The following ZRANB3 variants were observed in gnomAD, a reference collection of about 807,000 sequenced individuals.
ZRANB3 encodes DNA annealing helicase and endonuclease ZRANB3.
A neutral mutation model predicts 133.8 loss-of-function variants in ZRANB3; 125 were observed. That is an observed-to-expected ratio of 0.93 (90% confidence interval 0.81 to 1.08). The LOEUF (loss-of-function observed/expected upper bound fraction) is 1.08, where lower values mean the gene tolerates loss of function less well. Among genes scored for constraint, ZRANB3 ranks in the 50% least tolerant of loss-of-function variants. The pLI is 0.00. For missense variants in ZRANB3, 1,229 were observed against 1,275.5 expected, an observed-to-expected ratio of 0.96 and a Z score of 0.56; for synonymous variants, 387 against 432.7, an observed-to-expected ratio of 0.89 and a Z score of 1.31.
In ZRANB3 at chr2:135,513,063, T is replaced by C. The variant is rs1323999388; in HGVS notation, c.-7-8567A>G. Reference sequence around the variant, plus strand: ...AGCACATTACAAGAAAAAACATACATAATACAATCTCTCATATTCATAGGT... The same window carrying C: ...AGCACATTACAAGAAAAAACATACACAATACAATCTCTCATATTCATAGGT... On this transcript the variant is annotated intron_variant, in intron 1 of 20. Coordinates refer to ENST00000264159, the MANE Select transcript of ZRANB3 (RefSeq NM_032143.4). Among the ~76,000 whole-genome samples, 4 of 152,252 alleles carry C rather than the reference T, an allele frequency of 2.6e-5. No individual in the cohort carries two copies. The East Asian group carries it at 7.7e-4, about 29-fold the overall frequency.
chr2:135,338,796 G>A (rs1558927310), intron 6 of ZRANB3, among the ~76,000 whole-genome samples: 1 of 152,170 alleles, frequency 6.6e-6, no homozygotes, highest in African/African-American at 2.4e-5. Context: ...ATGTGCATAT[G>A]TGTGTATGTG....
chr2:135,385,066 A>G (rs1574013833), intron 3 of ZRANB3, among the ~76,000 whole-genome samples: 2 of 152,362 alleles, frequency 1.3e-5, no homozygotes, highest in East Asian at 3.9e-4. Context: ...CCCTGTTTGC[A>G]GATGACATGA....
intron 8 of ZRANB3, among the ~76,000 whole-genome samples, chr2:135,306,774 G>A (rs1682727078): frequency 6.6e-6 from 1 of 152,128 alleles, no homozygotes; most frequent in African/African-American, 2.4e-5. Flanking sequence ...ATTTCTGGTA[G>A]AGACAGGGTT....
chr2:135,228,501 A>AGGCG (rs1694853591), intron 13 of ZRANB3, among the ~76,000 whole-genome samples: 2 of 152,180 alleles, frequency 1.3e-5, no homozygotes, highest in African/African-American at 4.8e-5. Flanking sequence ...AGTTTTAGGC[A>AGGCG]AAGAAATAAA....
At chr2:135,528,494 T>G (rs1393260321) in intron 1 of ZRANB3, among the ~76,000 whole-genome samples, 1 of 152,084 alleles carries the variant, frequency 6.6e-6, no homozygotes, top group African/African-American at 2.4e-5. Flanking sequence ...TCTTCAAATA[T>G]AAAAATGTCA....
At position 135,198,866 on chromosome 2, in the gene ZRANB3, T is replaced by C. The variant is rs1299752068; in HGVS notation, c.*1476A>G. On this transcript the variant is annotated 3_prime_UTR_variant, in exon 21 of 21. Transcript: ENST00000264159. ...GGTTGTATAATCTTTGATTGTATAA[T>C]CTTTCTAAAAACAAGTCCTTTATGT... 1 of 152,248 alleles carries C rather than the reference T, an allele frequency of 6.6e-6. No homozygotes were observed. The highest frequency in any genetic ancestry group is 2.4e-5 in the African/African-American group (1 of 41,466). 9.4% of individuals were successfully genotyped at this position (152,248 alleles called of 1,614,324 possible).
At chr2:135,319,396 T>C (rs947468893) in intron 6 of ZRANB3, among the ~76,000 whole-genome samples, 1 of 152,206 alleles carries the variant, frequency 6.6e-6, no homozygotes, top group Admixed American at 6.6e-5. Flanking sequence ...ATTTGAGAAA[T>C]AGGATACTTC....
At chr2:135,512,929 G>A (rs928142105) in intron 1 of ZRANB3, among the ~76,000 whole-genome samples, 3 of 152,074 alleles carry the variant, frequency 2.0e-5, no homozygotes, top group Non-Finnish European at 4.4e-5. Flanking sequence ...AATTGTAACA[G>A]GATAAAGATG....
Position 135,375,297 on chromosome 2 carries a change from A to G in ZRANB3, c.180+15505T>C, listed in dbSNP as rs1188825930. Among the ~76,000 whole-genome samples, 3 of 152,210 alleles carry G rather than the reference A, an allele frequency of 2.0e-5. No homozygotes were observed. The East Asian group carries it at 5.8e-4, about 29-fold the overall frequency. ...AATTAATCAGAGAAAGAACGCTTGC[A>G]GTCCCAGCACTTTGGGAGGCCAAGG... is the stretch of plus-strand genomic sequence containing the variant. On this transcript the variant is annotated intron_variant, in intron 3 of 20. Transcript: ENST00000264159.
intron 2 of ZRANB3, among the ~76,000 whole-genome samples, chr2:135,417,219 A>G (rs1471686801): frequency 2.0e-5 from 3 of 152,200 alleles, no homozygotes; most frequent in Admixed American, 6.5e-5. Context: ...CATCTGACAA[A>G]GGGCTAATAT....
chr2:135,254,827 T>C (rs923195284), intron 12 of ZRANB3, among the ~76,000 whole-genome samples: 3 of 151,966 alleles, frequency 2.0e-5, no homozygotes, highest in Admixed American at 6.6e-5. Context: ...CTCAGCTCAC[T>C]GCAACCTCCA....
Position 135,230,808 on chromosome 2 carries a change from T to G in ZRANB3, c.1659A>C (p.Ser553=). The part of the protein sequence containing the change: ...KRFREENTVV[S]SDPTKTAARD... ...TTGCAGCTGTTTTTGTAGGGTCTGA[T>G]GACACTACAGTATTTTCCTCCCGGA... is the stretch of plus-strand genomic sequence containing the variant. Residue 553 remains serine, a synonymous_variant, in exon 13 of 21, where the codon TCA becomes TCC. Coordinates refer to ENST00000264159, the MANE Select transcript of ZRANB3 (RefSeq NM_032143.4). The G allele has an allele frequency of 1.2e-6, 2 of 1,613,904 alleles. No homozygotes were observed. Among genetic ancestry groups the G allele is most frequent in the Non-Finnish European group, 1.7e-6 (2 of 1,179,858 alleles).
chr2:135,482,286 T>C (rs1375076755), intron 2 of ZRANB3, among the ~76,000 whole-genome samples: 1 of 131,370 alleles, frequency 7.6e-6, no homozygotes, highest in Non-Finnish European at 1.5e-5. Context: ...TCCTCTTTTA[T>C]TTCGTTGAGC....
chr2:135,216,937 T>C (rs574512194), intron 17 of ZRANB3, among the ~76,000 whole-genome samples: 1 of 152,234 alleles, frequency 6.6e-6, no homozygotes, highest in African/African-American at 2.4e-5. Flanking sequence ...GAACCTGTAA[T>C]GATAAGGACA....
rs1342423892 is a variant in ZRANB3, at chr2:135,334,948, G to A, written c.677+10602C>T. Among the ~76,000 whole-genome samples the A allele has an allele frequency of 2.0e-5, 3 of 151,982 alleles. No individual in the cohort carries two copies. In the East Asian group the frequency reaches 5.8e-4, roughly 29 times the overall value. On this transcript the variant is annotated intron_variant, in intron 6 of 20. Coordinates refer to ENST00000264159, the MANE Select transcript of ZRANB3 (RefSeq NM_032143.4). ...TAAAAATAATTTAATTTAATTTTAA[G>A]TTCCAGGATACATATGCAGGATGTG...
At chr2:135,391,236 G>A (rs567460729) in intron 2 of ZRANB3, among the ~76,000 whole-genome samples, 3 of 152,308 alleles carry the variant, frequency 2.0e-5, no homozygotes, top group South Asian at 2.1e-4. Flanking sequence ...GTAAGCCAGA[G>A]AGAGGTGTTT....
Position 135,447,402 on chromosome 2 carries a change from T to C in ZRANB3, c.162-56582A>G, listed in dbSNP as rs1454818474. On this transcript the variant is annotated intron_variant, in intron 2 of 20. Coordinates refer to ENST00000264159, the MANE Select transcript of ZRANB3 (RefSeq NM_032143.4). ...TTTGATTTATAAGAGCTCTTTCTTA[T>C]TCTCAGCCTGTTCATTTTTCATAGC... Among the ~76,000 whole-genome samples the C allele has an allele frequency of 2.0e-5, 3 of 152,322 alleles. No individual in the cohort carries two copies. The East Asian group carries it at 5.8e-4, about 29-fold the overall frequency.
At chr2:135,339,626 A>C (rs1684539332) in intron 6 of ZRANB3, among the ~76,000 whole-genome samples, 1 of 152,188 alleles carries the variant, frequency 6.6e-6, no homozygotes, top group Non-Finnish European at 1.5e-5. Flanking sequence ...ATTCCTTTCA[A>C]CAATGTAAGA....
rs376881397 is a variant in ZRANB3 at position 135,497,419 on chromosome 2, T to C, written c.161+6910A>G. 1.8e-4 allele frequency among the ~76,000 whole-genome samples: 27 copies of C among 152,320 alleles called. No homozygotes were observed. The East Asian group carries it at 3.7e-3, about 21-fold the overall frequency. On this transcript the variant is annotated intron_variant, in intron 2 of 20. Transcript: ENST00000264159. ...AAACAGAGAAACAAAACAAAGAATC[T>C]ACAACTGCACTATTCCATATGGTAG...
Sources: gnomAD v4.1 joint callset for allele counts (sites outside exome capture counted in the v4.1 genomes callset) on GRCh38, gnomAD v4.1.1 for gene constraint, MANE v1.5 for transcripts, NCBI Gene and HGNC (gene_info 2026-07-23, HGNC 2026-07-21) for gene names.